ZCWPW2: variants seen among roughly 807,000 people sequenced by gnomAD.
ZCWPW2 encodes the protein zinc finger CW-type PWWP domain protein 2.
In ZCWPW2, 45 loss-of-function variants were observed where a neutral mutation model predicts 46.6. The observed-to-expected ratio is 0.96, with a 90% confidence interval of 0.76 to 1.24. The LOEUF (loss-of-function observed/expected upper bound fraction) is 1.24, where lower values mean the gene tolerates loss of function less well. Among genes scored for constraint, ZCWPW2 ranks in the 50% most tolerant of loss-of-function variants. The probability of loss-of-function intolerance (pLI) is 0.00; values close to 1 mark genes in which losing one functional copy is unlikely to be tolerated. For synonymous variants in ZCWPW2, 152 were observed against 137.1 expected, an observed-to-expected ratio of 1.11 and a Z score of -0.76; for missense variants, 429 against 403.9, an observed-to-expected ratio of 1.06 and a Z score of -0.53.
Position 28,458,386 on chromosome 3 carries a change from C to T in ZCWPW2, c.493-20428C>T, listed in dbSNP as rs1698502652. ...CTTAGTAAGTTTAAAATATTAGGTT[C>T]ATTAAATTGTAGAACTCCTATAGAA... is the stretch of plus-strand genomic sequence containing the variant. On this transcript the variant is annotated intron_variant, in intron 4 of 9. Coordinates refer to ENST00000383768, the MANE Select transcript of ZCWPW2 (RefSeq NM_001040432.4). 4.6e-5 allele frequency among the ~76,000 whole-genome samples: 7 copies of T among 152,272 alleles called. No individual in the cohort carries two copies. The South Asian group carries it at 1.5e-3, about 32-fold the overall frequency.
chr3:28,485,886 G>A (rs546416239), intron 5 of ZCWPW2, among the ~76,000 whole-genome samples: 1 of 150,966 alleles, frequency 6.6e-6, no homozygotes, highest in African/African-American at 2.4e-5. Context: ...CTCTTTTTCT[G>A]TCTTTGTGAT....
intron 9 of ZCWPW2, 113 bp downstream of exon 9, chr3:28,521,229 A>G: frequency 8.6e-7 from 1 of 1,169,342 alleles, no homozygotes. Flanking sequence ...CATGTCTGAA[A>G]TTTGAGTCCT....
intron 6 of ZCWPW2, among the ~76,000 whole-genome samples, chr3:28,501,983 G>C (rs146714710): frequency 6.6e-6 from 1 of 151,878 alleles, no homozygotes; most frequent in Admixed American, 6.6e-5. Context: ...TTGGCCTCCC[G>C]TAGTGCTGGG....
At chr3:28,520,768 C>A (rs1370398207) in intron 8 of ZCWPW2, among the ~76,000 whole-genome samples, 2 of 152,144 alleles carry the variant, frequency 1.3e-5, no homozygotes, top group Non-Finnish European at 2.9e-5. Flanking sequence ...TTATACATAG[C>A]AAGACTATCA....
chr3:28,358,023 T>A (rs1055092247), intron 1 of ZCWPW2, among the ~76,000 whole-genome samples: 1 of 152,088 alleles, frequency 6.6e-6, no homozygotes, highest in African/African-American at 2.4e-5. Context: ...CCTTATTAAT[T>A]ATTTACTCTT....
At chr3:28,467,956 T>C (rs145725691) in intron 4 of ZCWPW2, among the ~76,000 whole-genome samples, 1 of 152,116 alleles carries the variant, frequency 6.6e-6, no homozygotes, top group African/African-American at 2.4e-5. Context: ...CAGGAAAACA[T>C]GACCTCACCA....
intron 4 of ZCWPW2, among the ~76,000 whole-genome samples, chr3:28,475,044 A>G (rs1699189776): frequency 6.6e-6 from 1 of 151,924 alleles, no homozygotes; most frequent in Non-Finnish European, 1.5e-5. Context: ...GGGTTTCACC[A>G]TGTTGCCTAA....
chr3:28,365,382 A>T lies in ZCWPW2; in HGVS notation c.-134+16179A>T, dbSNP rs1402919733. ...TTACATATGGCTAGCCAGTTTTCCC[A>T]GCACCATTTATTAAATAGGGAATCG... On this transcript the variant is annotated intron_variant, in intron 1 of 9. Coordinates refer to ENST00000383768, the MANE Select transcript of ZCWPW2 (RefSeq NM_001040432.4). 2.1e-5 allele frequency among the ~76,000 whole-genome samples: 3 copies of T among 141,320 alleles called. 1 individual carries two copies. The highest frequency in any genetic ancestry group is 1.9e-4 in the East Asian group (1 of 5,150). The allele number at this position is 141,320 out of a possible 152,430, so 92.7% of individuals were successfully genotyped here.
chr3:28,397,755 TCTTA>T (rs1043069889), intron 2 of ZCWPW2, among the ~76,000 whole-genome samples: 18 of 152,240 alleles, frequency 1.2e-4, no homozygotes, highest in Admixed American at 7.2e-4. Flanking sequence ...CACAGACTTT[TCTTA>T]CTTTTTATTT....
At chr3:28,388,842 T>A (rs889295606) in intron 1 of ZCWPW2, among the ~76,000 whole-genome samples, 1 of 152,168 alleles carries the variant, frequency 6.6e-6, no homozygotes, top group African/African-American at 2.4e-5. Context: ...TCCTGCCTGT[T>A]TTGGGTTATT....
At chr3:28,451,887 A>G (rs911655306) in intron 4 of ZCWPW2, among the ~76,000 whole-genome samples, 4 of 152,230 alleles carry the variant, frequency 2.6e-5, no homozygotes, top group Non-Finnish European at 4.4e-5. Flanking sequence ...TGTTCCTACT[A>G]TCAAATAATC....
intron 1 of ZCWPW2, among the ~76,000 whole-genome samples, chr3:28,387,107 AGAGATTACCCT>A (rs1224429166): frequency 6.6e-6 from 1 of 152,164 alleles, no homozygotes; most frequent in Non-Finnish European, 1.5e-5. Context: ...TTGGCCAAAG[AGAGATTACCCT>A]ATATGCTGTT....
At chr3:28,352,922 G>A (rs1225580740) in intron 1 of ZCWPW2, among the ~76,000 whole-genome samples, 3 of 152,082 alleles carry the variant, frequency 2.0e-5, no homozygotes, top group Admixed American at 6.5e-5. Context: ...AGTGGCTCAT[G>A]CCTGTGATCC....
intron 2 of ZCWPW2, among the ~76,000 whole-genome samples, chr3:28,405,722 C>T (rs1696130430): frequency 6.6e-6 from 1 of 152,146 alleles, no homozygotes; most frequent in Admixed American, 6.5e-5. Flanking sequence ...GATCTGCCTG[C>T]CTCAGCCTCC....
At chr3:28,519,434 T>G (rs2125837983) in intron 8 of ZCWPW2, among the ~76,000 whole-genome samples, 1 of 152,318 alleles carries the variant, frequency 6.6e-6, no homozygotes, top group African/African-American at 2.4e-5. Flanking sequence ...CAAGATGAAC[T>G]TGTGTTATGA....
chr3:28,352,745 T>C (rs910238878), intron 1 of ZCWPW2, among the ~76,000 whole-genome samples: 2 of 152,194 alleles, frequency 1.3e-5, no homozygotes, highest in African/African-American at 4.8e-5. Context: ...AATGGAAGAA[T>C]AAAACATATA....
chr3:28,427,584 A>G (rs996178166), intron 3 of ZCWPW2, among the ~76,000 whole-genome samples: 3 of 152,188 alleles, frequency 2.0e-5, no homozygotes, highest in African/African-American at 7.2e-5. Context: ...ATATGTTTAA[A>G]TATGAACAGA....
chr3:28,428,494 T>C (rs547533119), intron 3 of ZCWPW2: 10 of 152,366 alleles, frequency 6.6e-5, no homozygotes, highest in African/African-American at 2.4e-4. Flanking sequence ...CACCACATCC[T>C]GGCAGTAGAG....
At chr3:28,485,523 C>A (rs1356557891) in intron 5 of ZCWPW2, among the ~76,000 whole-genome samples, 1 of 152,134 alleles carries the variant, frequency 6.6e-6, no homozygotes. Context: ...TTATTTATTT[C>A]TCTCTGCAGT....
Sources: allele counts gnomAD v4.1 joint callset (sites outside exome capture counted in the v4.1 genomes callset), GRCh38; gene constraint gnomAD v4.1.1; transcripts MANE v1.5; gene names NCBI Gene and HGNC (gene_info 2026-07-23, HGNC 2026-07-21).